Variants in SLC9A7 observed in about 807,000 individuals in gnomAD.
SLC9A7 encodes the protein sodium/hydrogen exchanger 7.
A neutral mutation model predicts 52.6 loss-of-function variants in SLC9A7; 19 were observed. That is an observed-to-expected ratio of 0.36 (90% confidence interval 0.25 to 0.53). SLC9A7 has a LOEUF of 0.53. Ranked by LOEUF, SLC9A7 falls within the 20% of genes least tolerant of loss-of-function variation. The pLI, the probability that SLC9A7 is intolerant of heterozygous loss-of-function variation, is 0.91. For missense variants in SLC9A7, 455 were observed against 597.9 expected (o/e 0.76, Z 2.49); for synonymous variants, 226 against 252.1 (o/e 0.90, Z 0.98).
intron 1 of SLC9A7, among the ~76,000 whole-genome samples, chrX:46,740,567 G>A (rs962272339): frequency 9.0e-6 from 1 of 110,832 alleles, no homozygotes; most frequent in Non-Finnish European, 1.9e-5. Context: ...TCTATATATC[G>A]ACCATATATT....
intron 1 of SLC9A7, among the ~76,000 whole-genome samples, chrX:46,730,671 T>A (rs1488319493): frequency 4.6e-3 from 16 of 3,458 alleles, no homozygotes; most frequent in African/African-American, 0.032. Context: ...AAAAAAAAAT[T>A]ATATATATAT....
At chrX:46,725,813 GTTGATC>G in intron 1 of SLC9A7, 1 of 683,525 alleles carries the variant, frequency 1.5e-6, no homozygotes, top group Non-Finnish European at 2.4e-6. Context: ...CGAAGAATTG[GTTGATC>G]TTGAGCGGCC....
intron 1 of SLC9A7, among the ~76,000 whole-genome samples, chrX:46,751,995 G>A (rs782723684): frequency 4.7e-4 from 53 of 111,658 alleles, no homozygotes; most frequent in Non-Finnish European, 9.4e-5. Context: ...CAAGCTAAGA[G>A]GGGGATTAAC....
chrX:46,637,560 G>A (rs1943341367), intron 12 of SLC9A7, among the ~76,000 whole-genome samples: 1 of 111,483 alleles, frequency 9.0e-6, no homozygotes, highest in Non-Finnish European at 1.9e-5. Flanking sequence ...GGCCACCTGG[G>A]TGTATGTCGT....
intron 15 of SLC9A7, among the ~76,000 whole-genome samples, chrX:46,619,643 G>A (rs1459275113): frequency 1.8e-5 from 2 of 110,901 alleles, no homozygotes; most frequent in Non-Finnish European, 3.8e-5. Flanking sequence ...ACTATTAAGT[G>A]TTGCTAGAAG....
intron 7 of SLC9A7, 82 bp downstream of exon 7, chrX:46,661,934 A>G (rs147846465): frequency 6.7e-6 from 6 of 899,785 alleles, no homozygotes; most frequent in Middle Eastern, 4.0e-4. Context: ...CCAATTTGAA[A>G]GAACAGCTGA....
intron 5 of SLC9A7, among the ~76,000 whole-genome samples, chrX:46,668,355 C>CA (rs754851932): frequency 9.0e-6 from 1 of 110,867 alleles, no homozygotes; most frequent in Non-Finnish European, 1.9e-5. Context: ...ACTAAAAATA[C>CA]AAAAAAATTA....
intron 1 of SLC9A7, among the ~76,000 whole-genome samples, chrX:46,714,742 A>C (rs1005389261): frequency 8.9e-6 from 1 of 112,089 alleles, no homozygotes; most frequent in Non-Finnish European, 1.9e-5. Flanking sequence ...TAAGGGAAGA[A>C]ACATAAGAAA....
chrX:46,745,022 GA>G (rs1309713021), intron 1 of SLC9A7, among the ~76,000 whole-genome samples: 1 of 109,522 alleles, frequency 9.1e-6, no homozygotes, highest in African/African-American at 3.3e-5. Flanking sequence ...CAGAAACATT[GA>G]AAAACAAGCA....
intron 5 of SLC9A7, among the ~76,000 whole-genome samples, chrX:46,664,362 G>C (rs1213996932): frequency 4.5e-5 from 5 of 111,727 alleles, no homozygotes; most frequent in Admixed American, 1.9e-4. Context: ...TATGATTGTA[G>C]TGGAAGCCGG....
Position 46,701,370 on chromosome X carries a change from G to A in SLC9A7, c.326-18835C>T, listed in dbSNP as rs772598708. 3.0e-3 allele frequency among the ~76,000 whole-genome samples: 333 copies of A among 111,214 alleles called. 1 individual carries two copies. Among genetic ancestry groups the A allele is most frequent in the African/African-American group, 0.01 (317 of 30,624 alleles). On this transcript the variant is annotated intron_variant, in intron 1 of 16. Coordinates refer to ENST00000616978, the MANE Select transcript of SLC9A7 (RefSeq NM_001257291.2). Reference sequence around the variant, plus strand: ...TGGGAGGCCGAGGCGGGTGGATCACGAGGTCAGGAGTTTGAGACCAGCCTG... The same window carrying A: ...TGGGAGGCCGAGGCGGGTGGATCACAAGGTCAGGAGTTTGAGACCAGCCTG...
At chrX:46,725,845 C>CCAT (rs2146967243) in intron 1 of SLC9A7, 2 of 535,860 alleles carry the variant, frequency 3.7e-6, no homozygotes, top group South Asian at 4.9e-5. Context: ...GAAACCCAAA[C>CCAT]ACTGGAGCAA....
rs779519967 is a variant in SLC9A7, at chrX:46,653,825, C to T, written c.1042-111G>A. 12 of 412,090 alleles carry T rather than the reference C, an allele frequency of 2.9e-5. No homozygotes were observed. In the Admixed American group the frequency reaches 4.6e-4, roughly 16 times the overall value. 34.0% of individuals were successfully genotyped at this position (412,090 alleles called of 1,213,427 possible). Reference sequence around the variant, plus strand: ...CAAAGGGCTAGCCTTTCCCTTCAACCTTTTTTTTTTTTTGGAGGCTCTAAA... The same window carrying T: ...CAAAGGGCTAGCCTTTCCCTTCAACTTTTTTTTTTTTTTGGAGGCTCTAAA... On this transcript the variant is annotated intron_variant, in intron 7 of 16. Transcript: ENST00000616978.
intron 4 of SLC9A7, 76 bp from the exon 5 acceptor site, chrX:46,669,795 AGAAT>A (rs1943989274): frequency 4.4e-6 from 2 of 449,576 alleles, no homozygotes; most frequent in East Asian, 8.1e-5. Context: ...GAATAGCACT[AGAAT>A]GCTGCTCTTA....
intron 1 of SLC9A7, among the ~76,000 whole-genome samples, chrX:46,736,609 T>C (rs1281394477): frequency 1.8e-5 from 2 of 111,733 alleles, no homozygotes; most frequent in Non-Finnish European, 3.8e-5. Flanking sequence ...ATTAATGTAA[T>C]CAGGAGGTGG....
rs1242544371 is a variant in SLC9A7 at position 46,602,034 on chromosome X, T to C, written c.*4918A>G. 2.0e-5 allele frequency: 2 copies of C among 102,464 alleles called. No homozygotes were observed. The highest frequency in any genetic ancestry group is 4.1e-5 in the Non-Finnish European group (2 of 48,852). The allele number at this position is 102,464 out of a possible 1,213,427, so 8.4% of individuals were successfully genotyped here. A position where few individuals can be genotyped will look rare whatever the true frequency, so the allele number is the denominator to read the frequency against. The stretch of plus-strand genomic sequence containing the variant: ...TCTGACTCCAGAGGGGACTATTAAT[T>C]TAATTCCAGGTGAAATTAAAAAAAA... On this transcript the variant is annotated 3_prime_UTR_variant, in exon 17 of 17. Coordinates refer to ENST00000616978, the MANE Select transcript of SLC9A7 (RefSeq NM_001257291.2).
chrX:46,671,316 A>G (rs1944015994), intron 4 of SLC9A7, among the ~76,000 whole-genome samples: 1 of 110,495 alleles, frequency 9.1e-6, no homozygotes, highest in Admixed American at 9.6e-5. Context: ...GCTGGAGTGC[A>G]ATGGCGCAAT....
At chrX:46,698,221 C>T (rs931687243) in intron 1 of SLC9A7, among the ~76,000 whole-genome samples, 3 of 111,824 alleles carry the variant, frequency 2.7e-5, no homozygotes, top group Non-Finnish European at 5.6e-5. Context: ...GTGACCCACA[C>T]CTATTCACAC....
chrX:46,732,553 G>GAA (rs201154560), intron 1 of SLC9A7, among the ~76,000 whole-genome samples: 1 of 89,516 alleles, frequency 1.1e-5, no homozygotes. Flanking sequence ...ACTGTCTCAA[G>GAA]AAAAAAAAAA....
Sources: allele counts gnomAD v4.1 joint callset (sites outside exome capture counted in the v4.1 genomes callset), GRCh38; gene constraint gnomAD v4.1.1; transcripts MANE v1.5; gene names NCBI Gene and HGNC (gene_info 2026-07-23, HGNC 2026-07-21).